EYS: variants seen among roughly 807,000 people sequenced by gnomAD.
EYS encodes protein eyes shut homolog.
Under a neutral mutation model 282.1 loss-of-function variants are expected in EYS, and 250 were observed. The ratio of observed to expected loss-of-function variants is 0.89; its 90% CI spans 0.80 to 0.98. The LOEUF (loss-of-function observed/expected upper bound fraction) is 0.98, where lower values mean the gene tolerates loss of function less well. EYS is among the 50% of genes least tolerant of loss of function. EYS has a pLI of 0.00. For synonymous variants in EYS, 1,355 were observed against 1,282.9 expected, an observed-to-expected ratio of 1.06 and a Z score of -1.20; for missense variants, 4,016 against 3,709.0, an observed-to-expected ratio of 1.08 and a Z score of -2.15.
intron 2 of EYS, among the ~76,000 whole-genome samples, chr6:65,632,444 C>T (rs1582544641): frequency 6.6e-6 from 1 of 152,182 alleles, no homozygotes; most frequent in South Asian, 2.1e-4. Flanking sequence ...CGCACTTATA[C>T]TCACTAACTC....
intron 5 of EYS, among the ~76,000 whole-genome samples, chr6:65,420,730 TA>T (rs1409256641): frequency 6.6e-6 from 1 of 151,906 alleles, no homozygotes; most frequent in Non-Finnish European, 1.5e-5. Context: ...GACTTGAAAG[TA>T]AAAATATTCT....
chr6:64,502,066 C>T (rs1777063609), intron 26 of EYS, among the ~76,000 whole-genome samples: 1 of 152,102 alleles, frequency 6.6e-6, no homozygotes, highest in African/African-American at 2.4e-5. Context: ...ATGCTAAGTA[C>T]TTATAGCAGT....
chr6:64,804,783 A>G (rs1032887925), intron 22 of EYS, among the ~76,000 whole-genome samples: 1 of 152,178 alleles, frequency 6.6e-6, no homozygotes, highest in Non-Finnish European at 1.5e-5. Context: ...AAATAGTCAC[A>G]AATATATTTT....
chr6:64,592,068 G>A (rs1481762219), intron 25 of EYS, 79 bp from the exon 26 acceptor site: 6 of 1,016,970 alleles, frequency 5.9e-6, no homozygotes, highest in Non-Finnish European at 8.3e-6. Flanking sequence ...TAAATCTCAG[G>A]CAAATTGCAC....
In EYS at chr6:64,547,301, T is replaced by C. The variant is rs148495490; in HGVS notation, c.5644+42922A>G. Among the ~76,000 whole-genome samples the C allele has an allele frequency of 8.4e-3, 1,283 of 152,170 alleles. 14 individuals are homozygous for C. The highest frequency in any genetic ancestry group is 0.029 in the African/African-American group (1,211 of 41,536). On this transcript the variant is annotated intron_variant, in intron 26 of 42. Coordinates refer to ENST00000503581, the MANE Select transcript of EYS (RefSeq NM_001142800.2). ...TCTGGCCCCACCCACATCCTGCTGATTGGTCCATTTTACAGAGAGCCGACT... is the reference window on the plus strand; with the variant it reads ...TCTGGCCCCACCCACATCCTGCTGACTGGTCCATTTTACAGAGAGCCGACT...
intron 8 of EYS, among the ~76,000 whole-genome samples, chr6:65,372,969 A>T (rs1251651382): frequency 6.6e-6 from 1 of 152,236 alleles, no homozygotes; most frequent in Non-Finnish European, 1.5e-5. Context: ...ATGCATATTA[A>T]AAAAGAAATA....
In EYS at chr6:63,861,641, T is replaced by G. The variant is rs115841643; in HGVS notation, c.7228+2545A>C. On this transcript the variant is annotated intron_variant, in intron 36 of 42. Coordinates refer to ENST00000503581, the MANE Select transcript of EYS (RefSeq NM_001142800.2). ...TGTTTATGTGCCCCCTAGAATCACA[T>G]GTTAAAACCTAACTGCCAATGTGAT... Among the ~76,000 whole-genome samples the G allele has an allele frequency of 7.3e-3, 1,106 of 152,270 alleles. 18 individuals are homozygous for G. Among genetic ancestry groups the G allele is most frequent in the African/African-American group, 0.025 (1,035 of 41,548 alleles).
intron 35 of EYS, among the ~76,000 whole-genome samples, chr6:63,911,620 C>T (rs1407736589): frequency 6.6e-6 from 1 of 152,152 alleles, no homozygotes; most frequent in Non-Finnish European, 1.5e-5. Context: ...GACAGTATGA[C>T]CTGGGTCATT....
intron 12 of EYS, among the ~76,000 whole-genome samples, chr6:65,065,513 G>A (rs1372559756): frequency 6.6e-6 from 1 of 151,522 alleles, no homozygotes; most frequent in Non-Finnish European, 1.5e-5. Flanking sequence ...CTCCAGGGTA[G>A]CTGGGACTAC....
intron 10 of EYS, among the ~76,000 whole-genome samples, chr6:65,339,379 G>A (rs539485794): frequency 6.6e-6 from 1 of 150,934 alleles, no homozygotes; most frequent in African/African-American, 2.4e-5. Flanking sequence ...CAGTCACCAC[G>A]GTTCAAAAAT....
At chr6:64,095,718 G>T (rs771505348) in intron 31 of EYS, among the ~76,000 whole-genome samples, 56 of 152,182 alleles carry the variant, frequency 3.7e-4, no homozygotes, top group African/African-American at 1.3e-3. Flanking sequence ...AATTTGCCAG[G>T]CTGTGTCTTT....
intron 30 of EYS, among the ~76,000 whole-genome samples, chr6:64,234,812 C>T (rs1766532302): frequency 6.6e-6 from 1 of 151,784 alleles, no homozygotes. Flanking sequence ...TAGTTTTGGA[C>T]TGGCTTTTTC....
intron 31 of EYS, among the ~76,000 whole-genome samples, chr6:64,161,759 A>C (rs2150301367): frequency 6.6e-6 from 1 of 152,308 alleles, no homozygotes. Flanking sequence ...ACCTGTTTCT[A>C]CAAACCAATA....
intron 1 of EYS, among the ~76,000 whole-genome samples, chr6:65,702,472 A>T (rs1273257320): frequency 6.6e-6 from 1 of 152,154 alleles, no homozygotes; most frequent in Non-Finnish European, 1.5e-5. Context: ...TGAGTAAATT[A>T]CTTGAGGTCA....
At chr6:63,938,486 C>T (rs1765137984) in intron 35 of EYS, among the ~76,000 whole-genome samples, 1 of 152,078 alleles carries the variant, frequency 6.6e-6, no homozygotes, top group Non-Finnish European at 1.5e-5. Flanking sequence ...TCCAGGCAGC[C>T]CAGTTAGCCA....
intron 19 of EYS, among the ~76,000 whole-genome samples, chr6:64,863,936 T>C (rs2150050020): frequency 6.6e-6 from 1 of 152,326 alleles, no homozygotes; most frequent in Middle Eastern, 3.4e-3. Context: ...CCCTGCAATC[T>C]GATCTCTATT....
At chr6:63,727,722 A>AT (rs1455876033) in intron 41 of EYS, among the ~76,000 whole-genome samples, 20 of 93,986 alleles carry the variant, frequency 2.1e-4, no homozygotes, top group African/African-American at 1.0e-3. Flanking sequence ...AAAAAAAAAA[A>AT]AAAAAAAAAA....
intron 22 of EYS, among the ~76,000 whole-genome samples, chr6:64,741,221 A>G (rs1772359850): frequency 6.6e-6 from 1 of 152,158 alleles, no homozygotes; most frequent in Non-Finnish European, 1.5e-5. Flanking sequence ...GAGAACATTA[A>G]TATTCTTGTA....
chr6:65,677,234 G>A (rs900772876), intron 1 of EYS, among the ~76,000 whole-genome samples: 1 of 151,126 alleles, frequency 6.6e-6, no homozygotes, highest in African/African-American at 2.4e-5. Flanking sequence ...TTAGGCAAGA[G>A]AAAGAAATAA....
Sources: gnomAD v4.1 joint callset for allele counts (sites outside exome capture counted in the v4.1 genomes callset) on GRCh38, gnomAD v4.1.1 for gene constraint, MANE v1.5 for transcripts, NCBI Gene and HGNC (gene_info 2026-07-23, HGNC 2026-07-21) for gene names.